The following SULF1 variants were observed in gnomAD, a reference collection of about 807,000 sequenced individuals.
SULF1 encodes extracellular sulfatase Sulf-1.
A neutral mutation model predicts 110.5 loss-of-function variants in SULF1; 46 were observed. The observed-to-expected ratio is 0.42, with a 90% CI of 0.33 to 0.53. SULF1 has a LOEUF of 0.53. SULF1 is among the 20% of genes least tolerant of loss of function. SULF1 has a pLI of 0.12. For missense variants in SULF1, 941 were observed against 1,094.2 expected (o/e 0.86, Z 1.98); for synonymous variants, 371 against 387.1 (o/e 0.96, Z 0.49).
At position 69,621,270 on chromosome 8, in the gene SULF1, A is replaced by T. The variant is rs1217420947; in HGVS notation, c.1594+19A>T. 1.3e-6 allele frequency: 2 copies of T among 1,598,770 alleles called. No individual in the cohort carries two copies. Among genetic ancestry groups the T allele is most frequent in the South Asian group, 1.1e-5 (1 of 89,990 alleles). On this transcript the variant is annotated intron_variant, in intron 14 of 22. Coordinates refer to ENST00000402687, the MANE Select transcript of SULF1 (RefSeq NM_001128205.2). ...ACTCCAAGTAAGCCACGCTTTTGTG[A>T]CCATCTCAATGGTGGCCTAGGCCTG...
At position 69,583,934 on chromosome 8, in the gene SULF1, A is replaced by G. The variant is rs1214797976; in HGVS notation, c.413-2423A>G. On this transcript the variant is annotated intron_variant, in intron 6 of 22. Transcript: ENST00000402687. ...TAAAGAGGCAAATAAAGAGAATTGC[A>G]CAAGCAAAAATAGAGAGGTGGGAAC... Among the ~76,000 whole-genome samples the G allele has an allele frequency of 3.3e-5, 5 of 152,358 alleles. No homozygotes were observed. In the East Asian group the frequency reaches 9.6e-4, roughly 29 times the overall value.
At chr8:69,493,699 C>T (rs1210118613) in intron 1 of SULF1, among the ~76,000 whole-genome samples, 2 of 152,354 alleles carry the variant, frequency 1.3e-5, no homozygotes, top group East Asian at 3.9e-4. Flanking sequence ...GTACAAAACA[C>T]TGTAGCTATA....
chr8:69,485,300 A>C (rs1809659557), intron 1 of SULF1, among the ~76,000 whole-genome samples: 1 of 152,214 alleles, frequency 6.6e-6, no homozygotes, highest in South Asian at 2.1e-4. Flanking sequence ...TACCCTGTGC[A>C]TTCCAGTATA....
intron 1 of SULF1, among the ~76,000 whole-genome samples, chr8:69,483,529 A>G (rs1273423556): frequency 1.3e-5 from 2 of 152,212 alleles, no homozygotes; most frequent in African/African-American, 2.4e-5. Context: ...TTTAGGATTT[A>G]AATTCCAATA....
intron 3 of SULF1, among the ~76,000 whole-genome samples, chr8:69,532,964 A>C (rs1415516098): frequency 6.6e-6 from 1 of 152,254 alleles, no homozygotes; most frequent in Non-Finnish European, 1.5e-5. Flanking sequence ...AATAAGATTT[A>C]GATGTACAAA....
intron 19 of SULF1, among the ~76,000 whole-genome samples, chr8:69,634,076 G>A (rs557224419): frequency 1.4e-4 from 21 of 152,188 alleles, no homozygotes; most frequent in Admixed American, 4.6e-4. Flanking sequence ...ATGAAAAGTC[G>A]TATAATGATG....
At chr8:69,646,052 AC>A (rs1811885319) in intron 22 of SULF1, among the ~76,000 whole-genome samples, 1 of 152,198 alleles carries the variant, frequency 6.6e-6, no homozygotes, top group Admixed American at 6.5e-5. Context: ...TGAACAGGGT[AC>A]CAGTACAGCA....
chr8:69,600,885 G>T, intron 9 of SULF1, 132 bp downstream of exon 9: 2 of 1,058,870 alleles, frequency 1.9e-6, no homozygotes, highest in Non-Finnish European at 2.7e-6. Flanking sequence ...GAAAGAGAGA[G>T]AGTATGTGTT....
At chr8:69,639,179 C>A (rs1456265179) in intron 21 of SULF1, among the ~76,000 whole-genome samples, 1 of 152,168 alleles carries the variant, frequency 6.6e-6, no homozygotes, top group African/African-American at 2.4e-5. Flanking sequence ...TTTGTTATTG[C>A]TGTCAACAGT....
intron 1 of SULF1, among the ~76,000 whole-genome samples, chr8:69,470,431 C>T (rs186284627): frequency 7.9e-4 from 121 of 152,264 alleles, no homozygotes; most frequent in African/African-American, 2.8e-3. Flanking sequence ...TTTAATCTAT[C>T]TTAATATCCT....
intron 21 of SULF1, 60 bp downstream of exon 21, chr8:69,638,918 T>C: frequency 6.6e-7 from 1 of 1,520,072 alleles, no homozygotes. Context: ...GTTACTGAGC[T>C]TTCTGCCTTG....
At chr8:69,513,476 T>A (rs929893121) in intron 3 of SULF1, among the ~76,000 whole-genome samples, 2 of 152,234 alleles carry the variant, frequency 1.3e-5, no homozygotes, top group East Asian at 3.8e-4. Context: ...CATACACCAA[T>A]GTCTCTTAAA....
Position 69,583,806 on chromosome 8 carries a change from C to T in SULF1, c.413-2551C>T, listed in dbSNP as rs147469541. ...CAGCTTCTATATGAACATGACTATACCACAATGGAGAAAGGGAAGATGACA... is the reference window on the plus strand; with the variant it reads ...CAGCTTCTATATGAACATGACTATATCACAATGGAGAAAGGGAAGATGACA... On this transcript the variant is annotated intron_variant, in intron 6 of 22. Coordinates refer to ENST00000402687, the MANE Select transcript of SULF1 (RefSeq NM_001128205.2). Among the ~76,000 whole-genome samples, 10 of 152,156 alleles carry T rather than the reference C, an allele frequency of 6.6e-5. No homozygotes were observed. In the East Asian group the frequency reaches 1.9e-3, roughly 29 times the overall value.
chr8:69,651,626 T>A (rs1812352250), intron 22 of SULF1, among the ~76,000 whole-genome samples: 1 of 152,184 alleles, frequency 6.6e-6, no homozygotes, highest in African/African-American at 2.4e-5. Context: ...CTCAGATAAT[T>A]ATTCTCTTTA....
At chr8:69,515,346 C>T (rs949253671) in intron 3 of SULF1, among the ~76,000 whole-genome samples, 11 of 152,228 alleles carry the variant, frequency 7.2e-5, no homozygotes, top group African/African-American at 2.7e-4. Flanking sequence ...AAGCAATGGT[C>T]CAAGCTTTAT....
intron 13 of SULF1, among the ~76,000 whole-genome samples, chr8:69,618,975 C>A (rs944431716): frequency 2.0e-5 from 3 of 152,198 alleles, no homozygotes; most frequent in Admixed American, 6.5e-5. Flanking sequence ...GGACACTTTG[C>A]AACCAAGATA....
chr8:69,535,495 A>AC, intron 3 of SULF1, among the ~76,000 whole-genome samples: 1 of 151,314 alleles, frequency 6.6e-6, no homozygotes, highest in South Asian at 2.1e-4. Flanking sequence ...CAAAGAGGAA[A>AC]AATTATTTCC....
At chr8:69,580,426 A>G (rs1410059440) in intron 6 of SULF1, among the ~76,000 whole-genome samples, 1 of 152,210 alleles carries the variant, frequency 6.6e-6, no homozygotes, top group African/African-American at 2.4e-5. Flanking sequence ...GTATTTAACA[A>G]CAACAAAAAA....
At chr8:69,603,044 C>A in intron 10 of SULF1, 148 bp from the exon 11 acceptor site, 1 of 1,125,318 alleles carries the variant, frequency 8.9e-7, no homozygotes, top group Non-Finnish European at 1.3e-6. Context: ...CACACCCACC[C>A]TTGCCACACA....
Sources: gnomAD v4.1 joint callset for allele counts (sites outside exome capture counted in the v4.1 genomes callset) on GRCh38, gnomAD v4.1.1 for gene constraint, MANE v1.5 for transcripts, NCBI Gene and HGNC (gene_info 2026-07-23, HGNC 2026-07-21) for gene names.